SETD2: variants seen among roughly 807,000 people sequenced by gnomAD.
SETD2 encodes the protein SET domain containing 2, histone lysine methyltransferase, also known as histone-lysine N-methyltransferase SETD2.
A neutral mutation model predicts 242.1 loss-of-function variants in SETD2; 31 were observed. The observed-to-expected ratio is 0.13, with a 90% confidence interval of 0.10 to 0.17. The LOEUF (loss-of-function observed/expected upper bound fraction) is 0.17, where lower values mean the gene tolerates loss of function less well. Ranked by LOEUF, SETD2 falls within the 10% of genes least tolerant of loss-of-function variation. SETD2 has a pLI of 1.00. For synonymous variants in SETD2, 1,006 were observed against 1,066.5 expected, an observed-to-expected ratio of 0.94 and a Z score of 1.11; for missense variants, 2,481 against 3,046.3, an observed-to-expected ratio of 0.81 and a Z score of 4.37.
At chr3:47,034,732 T>G (rs969743722) in intron 18 of SETD2, among the ~76,000 whole-genome samples, 3 of 152,182 alleles carry the variant, frequency 2.0e-5, no homozygotes, top group Non-Finnish European at 2.9e-5. Context: ...ACTTAACATA[T>G]AATACCGTAC....
rs2107487772 is a variant in SETD2 at position 47,017,667 on chromosome 3, T to C, written c.7504A>G (p.Thr2502Ala). 6.2e-7 allele frequency: 1 copy of C among 1,613,980 alleles called. No homozygotes were observed. Among genetic ancestry groups the C allele is most frequent in the Non-Finnish European group, 8.5e-7 (1 of 1,179,808 alleles). ...CGAGCCAGATGTTTAAAGTCTTCAG[T>C]TGTGGTAATTCTTCCCACTTTGCAG... is the stretch of plus-strand genomic sequence containing the variant. ...PDCKVGRITT[T>A]EDFKHLARKL... Residue 2502 changes from threonine to alanine, a missense_variant, in exon 20 of 21, where the codon ACT (threonine) becomes GCT (alanine). Physicochemically the swap from Thr to Ala is moderately conservative, Grantham distance 58. Transcript: ENST00000409792. The surrounding 1 kb of genome is among the most constrained non-coding windows in gnomAD (Gnocchi z 4.8).
chr3:47,075,564 C>CAAAAAAAAAAAAAA (rs55635941), intron 12 of SETD2, among the ~76,000 whole-genome samples: 2 of 76,448 alleles, frequency 2.6e-5, no homozygotes, highest in Non-Finnish European at 5.0e-5. Flanking sequence ...AACTCCGTCT[C>CAAAAAAAAAAAAAA]AAAAAAAAAA....
chr3:47,047,818 AG>A (rs1428980193), intron 15 of SETD2, among the ~76,000 whole-genome samples: 11 of 152,220 alleles, frequency 7.2e-5, no homozygotes, highest in Non-Finnish European at 1.5e-4. Context: ...TTGCTTAACA[AG>A]GGGGGTACAT....
chr3:47,129,502 C>A (rs1216013817), intron 1 of SETD2, among the ~76,000 whole-genome samples: 1 of 152,172 alleles, frequency 6.6e-6, no homozygotes, highest in Admixed American at 6.5e-5. Context: ...TGCTTCCCTC[C>A]CTCATGATAG....
At chr3:47,091,938 C>A (rs1575758814) in intron 9 of SETD2, among the ~76,000 whole-genome samples, 1 of 151,842 alleles carries the variant, frequency 6.6e-6, no homozygotes, top group Non-Finnish European at 1.5e-5. Context: ...GAGCAAAATA[C>A]TCTCTTAAAA....
chr3:47,147,485 G>A (rs1005422433), intron 1 of SETD2, among the ~76,000 whole-genome samples: 10 of 150,426 alleles, frequency 6.6e-5, no homozygotes, highest in Admixed American at 2.7e-4. Flanking sequence ...ACCACGCCCA[G>A]CTAATTGTTG....
chr3:47,018,259 C>G (rs1437891821), intron 19 of SETD2, among the ~76,000 whole-genome samples: 1 of 152,166 alleles, frequency 6.6e-6, no homozygotes, highest in Non-Finnish European at 1.5e-5. Context: ...AAAGGAAAAC[C>G]TAAGCAGAAT....
rs2043043639 is a variant in SETD2, at chr3:47,120,744, C to G, written c.3892G>C (p.Asp1298His). 2 of 1,614,206 alleles carry G rather than the reference C, an allele frequency of 1.2e-6. No homozygotes were observed. Among genetic ancestry groups the G allele is most frequent in the Non-Finnish European group, 1.7e-6 (2 of 1,180,036 alleles). Residue 1298 changes from aspartate (D) to histidine (H), a missense_variant, in exon 3 of 21, where the codon GAT (aspartate) becomes CAT (histidine). Physicochemically the swap from Asp to His is moderately conservative, Grantham distance 81. Transcript: ENST00000409792. ...QNAEQYGGTR[D>H]YWQGNGYWDP... ...CAGTAACCATTGCCTTGCCAGTAAT[C>G]ACGTGTCCCACCATACTGTTCTGCA...
chr3:47,077,573 A>G (rs904068176), intron 12 of SETD2, among the ~76,000 whole-genome samples: 22 of 152,238 alleles, frequency 1.4e-4, no homozygotes, highest in Non-Finnish European at 2.9e-4. Flanking sequence ...GGTGAAGTAC[A>G]TTGTGTGTAC....
chr3:47,121,625 T>C lies in SETD2; in HGVS notation c.3011A>G (p.Asp1004Gly). 6.2e-7 allele frequency: 1 copy of C among 1,614,122 alleles called. No homozygotes were observed. Among genetic ancestry groups the C allele is most frequent in the Non-Finnish European group, 8.5e-7 (1 of 1,180,004 alleles). Residue 1004 changes from aspartate to glycine, a missense_variant, in exon 3 of 21, where the codon GAT becomes GGT. By Grantham distance (94) the Asp-to-Gly change is moderately conservative (BLOSUM62 -1). Coordinates refer to ENST00000409792, the MANE Select transcript of SETD2 (RefSeq NM_014159.7). ...DDSEVVFSSC[D>G]LNLTMEDSDG... ...ACTGTCTTCCATGGTTAAATTCAAA[T>C]CACAAGAAGAAAATACAACTTCTGA...
rs139456710 is a variant in SETD2 at position 47,034,113 on chromosome 3, C to T, written c.7350+3553G>A. Among the ~76,000 whole-genome samples, 198 of 152,280 alleles carry T rather than the reference C, an allele frequency of 1.3e-3. 1 individual carries two copies. Among genetic ancestry groups the T allele is most frequent in the African/African-American group, 4.4e-3 (184 of 41,578 alleles). On this transcript the variant is annotated intron_variant, in intron 18 of 20. Coordinates refer to ENST00000409792, the MANE Select transcript of SETD2 (RefSeq NM_014159.7). The stretch of plus-strand genomic sequence containing the variant: ...CTTTATTTGTTCACAACAGGAAATA[C>T]ATTTGGCAGCTTAATTCTTTCTGCA...
chr3:47,157,510 A>C (rs1216987710), intron 1 of SETD2: 1 of 456,092 alleles, frequency 2.2e-6, no homozygotes, highest in Admixed American at 2.3e-5. Context: ...CAAATTTGCC[A>C]TACTTTCACA....
chr3:47,070,534 C>T (rs558637432), intron 12 of SETD2, among the ~76,000 whole-genome samples: 1 of 152,290 alleles, frequency 6.6e-6, no homozygotes, highest in East Asian at 1.9e-4. Context: ...AAGGAAGCAG[C>T]CACGCGAGGA....
chr3:47,051,396 T>C (rs2039838851), intron 15 of SETD2, among the ~76,000 whole-genome samples: 1 of 152,158 alleles, frequency 6.6e-6, no homozygotes, highest in African/African-American at 2.4e-5. Context: ...TGAGCCACCA[T>C]GCCTGGCCAG....
intron 11 of SETD2, 129 bp from the exon 12 acceptor site, chr3:47,084,511 G>A: frequency 1.6e-6 from 1 of 631,650 alleles, no homozygotes; most frequent in East Asian, 2.8e-5. Flanking sequence ...TGCAACCTCT[G>A]CCTCCTGGGT....
intron 1 of SETD2, among the ~76,000 whole-genome samples, chr3:47,132,950 T>G (rs1194779186): frequency 2.6e-5 from 4 of 152,228 alleles, no homozygotes; most frequent in African/African-American, 4.8e-5. Context: ...AAAATAATTT[T>G]TAAGGTCTAT....
In SETD2 at chr3:47,017,298, C is replaced by A. The variant is rs753486666; in HGVS notation, c.7534-44G>T. 2 of 1,606,468 alleles carry A rather than the reference C, an allele frequency of 1.2e-6. No homozygotes were observed. Among genetic ancestry groups the A allele is most frequent in the Admixed American group, 3.4e-5 (2 of 59,508 alleles). On this transcript the variant is annotated intron_variant, in intron 20 of 20. Coordinates refer to ENST00000409792, the MANE Select transcript of SETD2 (RefSeq NM_014159.7). This position sits in a 1 kb window ranked among gnomAD's most constrained non-coding sequence, Gnocchi z 4.8. ...GAGAGACCACAGCCACCAATCAGAG[C>A]AGAAATTATATGAGGGGGAGGACAG...
At chr3:47,138,909 C>A (rs914169640) in intron 1 of SETD2, among the ~76,000 whole-genome samples, 1 of 152,122 alleles carries the variant, frequency 6.6e-6, no homozygotes, top group Non-Finnish European at 1.5e-5. Flanking sequence ...CTATGGTGGT[C>A]TCTTTTAAGT....
intron 19 of SETD2, among the ~76,000 whole-genome samples, chr3:47,018,030 CA>C (rs1449897617): frequency 6.6e-6 from 1 of 152,132 alleles, no homozygotes; most frequent in African/African-American, 2.4e-5. Flanking sequence ...TCAGCAGCCC[CA>C]GGTTTCAGTC....
Sources: gnomAD v4.1 joint callset for allele counts (sites outside exome capture counted in the v4.1 genomes callset) on GRCh38, gnomAD v4.1.1 for gene constraint, Gnocchi (gnomAD v3.1) non-coding constraint, MANE v1.5 for transcripts, NCBI Gene and HGNC (gene_info 2026-07-23, HGNC 2026-07-21) for gene names.